Variants in SAMD3 observed in about 807,000 individuals in gnomAD.
SAMD3 encodes sterile alpha motif domain containing 3, also known as sterile alpha motif domain-containing protein 3.
Under a neutral mutation model 58.5 loss-of-function variants are expected in SAMD3, and 63 were observed. That is an observed-to-expected ratio of 1.08 (90% CI 0.88 to 1.33). The LOEUF is 1.33. Among genes scored for constraint, SAMD3 ranks in the 40% most tolerant of loss-of-function variants. The pLI is 0.00. For missense variants in SAMD3, 604 were observed against 608.4 expected (o/e 0.99, Z 0.08); for synonymous variants, 220 against 210.3 (o/e 1.05, Z -0.40).
At chr6:130,313,511 G>A (rs905802602) in intron 1 of SAMD3, among the ~76,000 whole-genome samples, 11 of 152,188 alleles carry the variant, frequency 7.2e-5, no homozygotes, top group South Asian at 2.1e-4. Flanking sequence ...AAGTGCAGCT[G>A]TAAGCAATCT....
intron 2 of SAMD3, among the ~76,000 whole-genome samples, chr6:130,292,347 C>T (rs1306760330): frequency 6.9e-6 from 1 of 145,178 alleles, no homozygotes; most frequent in Non-Finnish European, 1.5e-5. Context: ...AGTTCAGTGG[C>T]GCAATCTCAG....
intron 1 of SAMD3, among the ~76,000 whole-genome samples, chr6:130,326,255 A>G (rs1451742633): frequency 6.6e-6 from 1 of 151,632 alleles, no homozygotes; most frequent in African/African-American, 2.4e-5. Context: ...CTCTTGTCCT[A>G]TGTTGTATGC....
chr6:130,169,124 C>T (rs1790992437), intron 8 of SAMD3, among the ~76,000 whole-genome samples: 1 of 152,194 alleles, frequency 6.6e-6, no homozygotes, highest in East Asian at 1.9e-4. Flanking sequence ...ATCTTAAAGA[C>T]ATTACAAAGG....
exon 2 of SAMD3, chr6:130,312,985 A>G (rs1776232891): frequency 6.6e-6 from 1 of 152,316 alleles, no homozygotes; most frequent in Non-Finnish European, 1.5e-5. Context: ...CACCCTGAGG[A>G]TCACCAGCTC....
chr6:130,250,314 C>A (rs551748362), intron 2 of SAMD3, among the ~76,000 whole-genome samples: 29 of 152,234 alleles, frequency 1.9e-4, no homozygotes, highest in African/African-American at 6.7e-4. Flanking sequence ...GTCTACCAGG[C>A]GCCCTTATTC....
chr6:130,201,953 A>G (rs2114790293), intron 5 of SAMD3, among the ~76,000 whole-genome samples: 1 of 152,332 alleles, frequency 6.6e-6, no homozygotes, highest in African/African-American at 2.4e-5. Flanking sequence ...ACTCGCTTAC[A>G]TATCTGTCTT....
intron 8 of SAMD3, among the ~76,000 whole-genome samples, chr6:130,156,843 T>C (rs1001846889): frequency 1.4e-3 from 213 of 151,942 alleles, no homozygotes; most frequent in African/African-American, 4.9e-3. Flanking sequence ...CCGAGGCGGG[T>C]GGATCACCTT....
chr6:130,241,806 T>C (rs1773367658), intron 2 of SAMD3, among the ~76,000 whole-genome samples: 1 of 152,124 alleles, frequency 6.6e-6, no homozygotes, highest in Admixed American at 6.5e-5. Context: ...TTTTATTTTC[T>C]TTTTTTAATT....
At chr6:130,271,239 A>G (rs1774552864) in intron 2 of SAMD3, among the ~76,000 whole-genome samples, 1 of 152,074 alleles carries the variant, frequency 6.6e-6, no homozygotes, top group African/African-American at 2.4e-5. Context: ...AGCTCAAGCA[A>G]TCTACCTGCC....
chr6:130,290,529 C>T (rs1391729676), intron 2 of SAMD3, among the ~76,000 whole-genome samples: 1 of 152,308 alleles, frequency 6.6e-6, no homozygotes, highest in Middle Eastern at 3.4e-3. Flanking sequence ...TACTAAACAA[C>T]TGGGGTACAA....
intron 5 of SAMD3, among the ~76,000 whole-genome samples, chr6:130,185,519 G>T (rs897104968): frequency 6.6e-5 from 10 of 151,706 alleles, no homozygotes; most frequent in Non-Finnish European, 1.5e-4. Flanking sequence ...AGTAGAGATG[G>T]AGTTTCACCA....
At chr6:130,325,698 G>A (rs991939132) in intron 1 of SAMD3, among the ~76,000 whole-genome samples, 3 of 152,120 alleles carry the variant, frequency 2.0e-5, no homozygotes, top group African/African-American at 7.2e-5. Flanking sequence ...TAAGCATCAC[G>A]CTGTGTATGA....
intron 2 of SAMD3, among the ~76,000 whole-genome samples, chr6:130,277,796 T>G (rs1456573682): frequency 6.6e-6 from 1 of 152,182 alleles, no homozygotes; most frequent in Non-Finnish European, 1.5e-5. Context: ...AGATCTGAGC[T>G]AACCGACTCC....
intron 5 of SAMD3, among the ~76,000 whole-genome samples, chr6:130,207,519 T>C (rs143082726): frequency 6.6e-6 from 1 of 152,028 alleles, no homozygotes; most frequent in Non-Finnish European, 1.5e-5. Flanking sequence ...GTTATAGACA[T>C]GTGGACTGGC....
intron 1 of SAMD3, among the ~76,000 whole-genome samples, chr6:130,220,441 C>A (rs900079762): frequency 2.6e-5 from 4 of 152,188 alleles, no homozygotes; most frequent in African/African-American, 9.7e-5. Flanking sequence ...GCCTTTGAGT[C>A]AAACTTATGG....
intron 1 of SAMD3, among the ~76,000 whole-genome samples, chr6:130,327,864 C>G (rs1023571890): frequency 2.6e-5 from 4 of 151,874 alleles, no homozygotes; most frequent in Admixed American, 6.6e-5. Context: ...GTGAAGAGAT[C>G]AACAAAGAAA....
intron 7 of SAMD3, among the ~76,000 whole-genome samples, chr6:130,180,960 C>CTTTTTTTTTT (rs1462563718): frequency 2.2e-5 from 3 of 136,486 alleles, no homozygotes; most frequent in East Asian, 2.1e-4. Flanking sequence ...TTTCTTTTTT[C>CTTTTTTTTTT]TTTTGAGACG....
chr6:130,248,359 C>T (rs71572917), intron 2 of SAMD3, among the ~76,000 whole-genome samples: 1,614 of 152,258 alleles, frequency 0.011, 29 homozygotes, highest in South Asian at 0.072. Context: ...AACCATGCTG[C>T]AGGGAGCAGT....
intron 2 of SAMD3, among the ~76,000 whole-genome samples, chr6:130,305,657 G>A (rs1309276082): frequency 6.6e-6 from 1 of 152,104 alleles, no homozygotes; most frequent in Non-Finnish European, 1.5e-5. Flanking sequence ...CTGTAAAGAA[G>A]GTCATATGGT....
Sources: gnomAD v4.1 joint callset for allele counts (sites outside exome capture counted in the v4.1 genomes callset) on GRCh38, gnomAD v4.1.1 for gene constraint, MANE v1.5 for transcripts, NCBI Gene and HGNC (gene_info 2026-07-23, HGNC 2026-07-21) for gene names.